Variants in DLC1 observed in about 807,000 individuals in gnomAD.
DLC1 encodes DLC1 Rho GTPase activating protein, also known as rho GTPase-activating protein 7.
A neutral mutation model predicts 140.3 loss-of-function variants in DLC1; 54 were observed. The observed-to-expected ratio is 0.38, with a 90% CI of 0.31 to 0.48. The LOEUF (loss-of-function observed/expected upper bound fraction) is 0.48, where lower values mean the gene tolerates loss of function less well. DLC1 is among the 20% of genes least tolerant of loss of function. The pLI is 0.96. For synonymous variants in DLC1, 986 were observed against 728.1 expected, an observed-to-expected ratio of 1.35 and a Z score of -5.70; for missense variants, 2,536 against 1,907.0, an observed-to-expected ratio of 1.33 and a Z score of -6.14.
chr8:13,198,314 C>T (rs185467394), intron 5 of DLC1, among the ~76,000 whole-genome samples: 280 of 152,260 alleles, frequency 1.8e-3, no homozygotes, highest in Admixed American at 2.8e-3. Context: ...CATAGTTCTT[C>T]CATTTGTTTT....
rs1800780219 is a variant in DLC1, at chr8:13,482,426, T to TAGC, written c.1023+16622_1023+16623insGCT. Among the ~76,000 whole-genome samples the TAGC allele has an allele frequency of 4.6e-5, 5 of 109,672 alleles. No individual in the cohort carries two copies. The South Asian group carries it at 1.4e-3, about 32-fold the overall frequency. 71.9% of individuals were successfully genotyped at this position (109,672 alleles called of 152,430 possible). On this transcript the variant is annotated intron_variant, in intron 2 of 17. Coordinates refer to ENST00000276297, the MANE Select transcript of DLC1 (RefSeq NM_182643.3). ...TTACATATTAAAAAGATAAAAATAG[T>TAGC]TGATGAATAGAGCAATGCTGTCTGA...
chr8:13,425,212 C>T (rs545662004), intron 2 of DLC1, among the ~76,000 whole-genome samples: 3 of 152,060 alleles, frequency 2.0e-5, no homozygotes, highest in Non-Finnish European at 4.4e-5. Context: ...AACTCTTCGG[C>T]TCCTCTTGAG....
chr8:13,528,924 C>T (rs1803005277), intron 1 of DLC1, among the ~76,000 whole-genome samples: 1 of 152,160 alleles, frequency 6.6e-6, no homozygotes, highest in African/African-American at 2.4e-5. Context: ...GGCTGAAGTT[C>T]TTAAGAGAAG....
chr8:13,186,698 A>G (rs545178549), intron 5 of DLC1, among the ~76,000 whole-genome samples: 1 of 152,308 alleles, frequency 6.6e-6, no homozygotes, highest in African/African-American at 2.4e-5. Context: ...CGTTGCTGGC[A>G]AGGAGCTGCA....
rs1355906460 is a variant in DLC1, at chr8:13,453,556, A to ATAT, written c.1023+45492_1023+45493insATA. On this transcript the variant is annotated intron_variant, in intron 2 of 17. Coordinates refer to ENST00000276297, the MANE Select transcript of DLC1 (RefSeq NM_182643.3). ...TATATATACATATATATATATATATATTTTTTTTTTTTTTTTTTCAGATAG... is the reference window on the plus strand; with the variant it reads ...TATATATACATATATATATATATATATATTTTTTTTTTTTTTTTTTTCAGATAG... Among the ~76,000 whole-genome samples the ATAT allele has an allele frequency of 7.3e-3, 197 of 26,898 alleles. 17 individuals carry two copies. The highest frequency in any genetic ancestry group is 8.6e-3 in the Non-Finnish European group (130 of 15,074). The allele number at this position is 26,898 out of a possible 152,430, so 17.6% of individuals were successfully genotyped here. A position where few individuals can be genotyped will look rare whatever the true frequency, so the allele number is the denominator to read the frequency against.
chr8:13,368,768 A>C (rs1835603281), intron 4 of DLC1, among the ~76,000 whole-genome samples: 1 of 152,130 alleles, frequency 6.6e-6, no homozygotes, highest in South Asian at 2.1e-4. Flanking sequence ...CTTCCAAGTA[A>C]GGATAAGTGA....
intron 1 of DLC1, among the ~76,000 whole-genome samples, chr8:13,534,813 T>A (rs186504197): frequency 1.3e-5 from 2 of 152,312 alleles, no homozygotes; most frequent in Non-Finnish European, 2.9e-5. Context: ...TTACATTTTT[T>A]AAAAGTTTTA....
chr8:13,472,461 C>T lies in DLC1; in HGVS notation c.1023+26588G>A, dbSNP rs149197071. The stretch of plus-strand genomic sequence containing the variant: ...TGTTTGAAATTGATTCATATTCTTG[C>T]GTAGAAATTCATTCCATATCTTGGA... On this transcript the variant is annotated intron_variant, in intron 2 of 17. Coordinates refer to ENST00000276297, the MANE Select transcript of DLC1 (RefSeq NM_182643.3). 2.6e-4 allele frequency among the ~76,000 whole-genome samples: 40 copies of T among 152,248 alleles called. 1 individual carries two copies. In the East Asian group the frequency reaches 6.9e-3, roughly 26 times the overall value.
chr8:13,599,071 G>C (rs1217657042), intron 1 of DLC1, among the ~76,000 whole-genome samples: 1 of 151,676 alleles, frequency 6.6e-6, no homozygotes, highest in Non-Finnish European at 1.5e-5. Context: ...AAATTAATAA[G>C]ATAAAATCTG....
chr8:13,315,311 G>T (rs1456255955), intron 4 of DLC1, among the ~76,000 whole-genome samples: 2 of 152,216 alleles, frequency 1.3e-5, no homozygotes, highest in Non-Finnish European at 2.9e-5. Context: ...AATTTCACAA[G>T]AGGTTTTTGG....
intron 3 of DLC1, among the ~76,000 whole-genome samples, chr8:13,394,534 T>C (rs888984251): frequency 6.6e-6 from 1 of 152,146 alleles, no homozygotes; most frequent in African/African-American, 2.4e-5. Context: ...ATAGGTGGTT[T>C]GGTTGCACAG....
intron 5 of DLC1, among the ~76,000 whole-genome samples, chr8:13,144,139 A>G (rs769138652): frequency 6.6e-6 from 1 of 152,324 alleles, no homozygotes; most frequent in Admixed American, 6.5e-5. Flanking sequence ...CTCTCACCCA[A>G]TTTGGACAGG....
intron 5 of DLC1, among the ~76,000 whole-genome samples, chr8:13,187,772 T>TA (rs929448732): frequency 6.6e-6 from 1 of 152,190 alleles, no homozygotes; most frequent in Admixed American, 6.5e-5. Flanking sequence ...GAGGCACCAC[T>TA]AACATTTGTG....
chr8:13,144,590 C>A (rs964014410), intron 5 of DLC1, among the ~76,000 whole-genome samples: 1 of 152,072 alleles, frequency 6.6e-6, no homozygotes, highest in Non-Finnish European at 1.5e-5. Context: ...ACAGTGAAAT[C>A]CCGCTTCTAC....
intron 4 of DLC1, among the ~76,000 whole-genome samples, chr8:13,372,824 A>C (rs568811268): frequency 9.2e-5 from 14 of 152,120 alleles, no homozygotes; most frequent in African/African-American, 2.9e-4. Flanking sequence ...CAGGGAAACA[A>C]ATTTTCCAGA....
At chr8:13,269,701 C>CAA (rs57030004) in intron 5 of DLC1, among the ~76,000 whole-genome samples, 13,877 of 96,768 alleles carry the variant, frequency 0.14, 1,168 homozygotes, top group Non-Finnish European at 0.19. Context: ...AAAACTCTGT[C>CAA]AAAAAAAAAA....
chr8:13,494,705 C>T (rs527410605), intron 2 of DLC1, among the ~76,000 whole-genome samples: 1 of 152,240 alleles, frequency 6.6e-6, no homozygotes, highest in South Asian at 2.1e-4. Flanking sequence ...AATCCCAACA[C>T]TTTGGGAGGC....
chr8:13,541,463 T>G (rs1323553434), intron 1 of DLC1, among the ~76,000 whole-genome samples: 2 of 152,208 alleles, frequency 1.3e-5, no homozygotes, highest in African/African-American at 2.4e-5. Flanking sequence ...GGAAATACTT[T>G]TAACTGTAGT....
At chr8:13,441,964 G>C (rs752151829) in intron 2 of DLC1, among the ~76,000 whole-genome samples, 1 of 152,102 alleles carries the variant, frequency 6.6e-6, no homozygotes, top group African/African-American at 2.4e-5. Context: ...ATACTACAAG[G>C]CTACAGTAAC....
Sources: allele counts gnomAD v4.1 joint callset (sites outside exome capture counted in the v4.1 genomes callset), GRCh38; gene constraint gnomAD v4.1.1; transcripts MANE v1.5; gene names NCBI Gene and HGNC (gene_info 2026-07-23, HGNC 2026-07-21).